The following CSMD1 variants were observed in gnomAD, a reference collection of about 807,000 sequenced individuals.
CSMD1 encodes CUB and Sushi multiple domains 1, also known as CUB and sushi domain-containing protein 1.
In CSMD1, 213 loss-of-function variants were observed where a neutral mutation model predicts 417.5. That is an observed-to-expected ratio of 0.51 (90% CI 0.46 to 0.57). CSMD1 has a LOEUF of 0.57. Ranked by LOEUF, CSMD1 falls within the 20% of genes least tolerant of loss-of-function variation. The pLI is 0.00. For synonymous variants in CSMD1, 2,862 were observed against 1,736.8 expected, an observed-to-expected ratio of 1.65 and a Z score of -16.11; for missense variants, 6,923 against 4,529.7, an observed-to-expected ratio of 1.53 and a Z score of -15.17.
At chr8:3,900,908 G>C (rs145896745) in intron 5 of CSMD1, among the ~76,000 whole-genome samples, 1 of 152,104 alleles carries the variant, frequency 6.6e-6, no homozygotes, top group Non-Finnish European at 1.5e-5. Flanking sequence ...CTGAGTCCTC[G>C]TGCATCCAAA....
chr8:4,450,767 G>T (rs927547552), intron 2 of CSMD1, among the ~76,000 whole-genome samples: 2 of 152,176 alleles, frequency 1.3e-5, no homozygotes, highest in African/African-American at 4.8e-5. Flanking sequence ...TTCACAAATT[G>T]AAAGCAAGTA....
At chr8:3,038,296 T>C (rs750018278) in intron 50 of CSMD1, among the ~76,000 whole-genome samples, 1 of 152,170 alleles carries the variant, frequency 6.6e-6, no homozygotes, top group Non-Finnish European at 1.5e-5. Context: ...AAGCTACTTT[T>C]TAAATTTCAT....
intron 5 of CSMD1, among the ~76,000 whole-genome samples, chr8:3,852,731 A>G (rs757879225): frequency 3.9e-5 from 6 of 152,046 alleles, no homozygotes; most frequent in Non-Finnish European, 2.9e-5. Context: ...ATGGAGGGTC[A>G]GGTAAGCGTC....
chr8:4,091,331 G>C (rs149536875), intron 3 of CSMD1, among the ~76,000 whole-genome samples: 3 of 152,114 alleles, frequency 2.0e-5, no homozygotes, highest in Non-Finnish European at 2.9e-5. Context: ...GTTGTAGTTA[G>C]AATGATTCCA....
chr8:3,949,369 C>T (rs1170552969), intron 5 of CSMD1, among the ~76,000 whole-genome samples: 1 of 152,134 alleles, frequency 6.6e-6, no homozygotes, highest in African/African-American at 2.4e-5. Context: ...ATCTCACAGT[C>T]CCTGGAAACA....
At chr8:4,626,389 TA>T (rs1377569301) in intron 2 of CSMD1, among the ~76,000 whole-genome samples, 2 of 152,022 alleles carry the variant, frequency 1.3e-5, no homozygotes, top group Admixed American at 1.3e-4. Flanking sequence ...AGATATTGGT[TA>T]TAAAGTATGT....
rs1798069916 is a variant in CSMD1 at position 3,219,356 on chromosome 8, G to C, written c.4571C>G (p.Ser1524Cys). 2 of 1,573,928 alleles carry C rather than the reference G, an allele frequency of 1.3e-6. No individual in the cohort carries two copies. Among genetic ancestry groups the C allele is most frequent in the Non-Finnish European group, 1.7e-6 (2 of 1,158,640 alleles). Reference protein sequence around the residue: ...NSPLIGSYQGSQAPERIESSG... With the variant: ...NSPLIGSYQGCQAPERIESSG... ...ACTCTCTATTCTTTCTGGGGCCTGA[G>C]AGCCCTGGTAACTCCCAATGAGGGG... Residue 1524 changes from serine to cysteine, a missense_variant, in exon 29 of 70, where the codon TCT becomes TGT. By Grantham distance (112) the Ser-to-Cys change is moderately radical (BLOSUM62 -1). Transcript: ENST00000635120.
chr8:3,607,604 T>C (rs1030968355), intron 8 of CSMD1, among the ~76,000 whole-genome samples: 3 of 152,178 alleles, frequency 2.0e-5, no homozygotes, highest in African/African-American at 7.2e-5. Context: ...GCAATGGAAA[T>C]CTTTCAGCTC....
At chr8:3,816,262 C>A (rs1017318493) in intron 5 of CSMD1, among the ~76,000 whole-genome samples, 1 of 152,162 alleles carries the variant, frequency 6.6e-6, no homozygotes, top group African/African-American at 2.4e-5. Context: ...CATTCATTTT[C>A]TCCACATTAA....
chr8:4,604,573 T>C (rs1800770706), intron 2 of CSMD1, among the ~76,000 whole-genome samples: 1 of 152,122 alleles, frequency 6.6e-6, no homozygotes, highest in South Asian at 2.1e-4. Context: ...ATCTCTAATT[T>C]GTCAACAGAA....
intron 3 of CSMD1, among the ~76,000 whole-genome samples, chr8:4,409,945 C>T (rs557573673): frequency 4.6e-5 from 7 of 151,600 alleles, no homozygotes; most frequent in African/African-American, 1.7e-4. Context: ...TCCCAAGTAG[C>T]TGGGATTACA....
At chr8:3,861,419 A>G (rs1317884992) in intron 5 of CSMD1, among the ~76,000 whole-genome samples, 1 of 152,190 alleles carries the variant, frequency 6.6e-6, no homozygotes, top group African/African-American at 2.4e-5. Context: ...TGATTGGTAA[A>G]TTGCATCTGA....
chr8:3,665,116 G>C (rs983548020), intron 7 of CSMD1, among the ~76,000 whole-genome samples: 1 of 152,086 alleles, frequency 6.6e-6, no homozygotes, highest in Non-Finnish European at 1.5e-5. Context: ...TAATAAGAAA[G>C]TTTCAGGTGA....
At chr8:3,226,311 G>A (rs1798499814) in intron 27 of CSMD1, among the ~76,000 whole-genome samples, 1 of 152,094 alleles carries the variant, frequency 6.6e-6, no homozygotes, top group African/African-American at 2.4e-5. Flanking sequence ...AGCCGAACGT[G>A]GTGGCTCACG....
chr8:4,156,706 G>C (rs766174468), intron 3 of CSMD1, among the ~76,000 whole-genome samples: 2 of 152,112 alleles, frequency 1.3e-5, no homozygotes, highest in Non-Finnish European at 2.9e-5. Context: ...CCCAAGAAGA[G>C]ACTATGTGCA....
intron 1 of CSMD1, among the ~76,000 whole-genome samples, chr8:4,891,018 T>C (rs927427783): frequency 1.3e-5 from 2 of 152,076 alleles, no homozygotes; most frequent in Non-Finnish European, 2.9e-5. Flanking sequence ...TCCAAATAAA[T>C]AGATATGTGG....
At chr8:4,035,334 G>A (rs995551833) in intron 3 of CSMD1, among the ~76,000 whole-genome samples, 1 of 152,096 alleles carries the variant, frequency 6.6e-6, no homozygotes, top group South Asian at 2.1e-4. Context: ...ACTGTCACTG[G>A]TTTTTCTACT....
Position 4,064,797 on chromosome 8 carries a change from C to G in CSMD1, c.416-32698G>C, listed in dbSNP as rs947785385. Among the ~76,000 whole-genome samples the G allele has an allele frequency of 2.6e-5, 4 of 152,262 alleles. No homozygotes were observed. In the Middle Eastern group the frequency reaches 0.014, roughly 518 times the overall value. The stretch of plus-strand genomic sequence containing the variant: ...TCCATTTAGAAACAGCCTTCCTGTA[C>G]TCCCGGTGATCTTGTTATTTATATC... On this transcript the variant is annotated intron_variant, in intron 3 of 69. Transcript: ENST00000635120.
chr8:3,201,777 T>C (rs1585639273), intron 31 of CSMD1, 52 bp from the exon 32 acceptor site: 6 of 1,062,812 alleles, frequency 5.6e-6, no homozygotes, highest in African/African-American at 1.6e-5. Flanking sequence ...GAAAACAAAA[T>C]GGAGATTTTT....
Sources: allele counts gnomAD v4.1 joint callset (sites outside exome capture counted in the v4.1 genomes callset), GRCh38; gene constraint gnomAD v4.1.1; transcripts MANE v1.5; gene names NCBI Gene and HGNC (gene_info 2026-07-23, HGNC 2026-07-21).